The following COL8A2 variants were observed in gnomAD, a reference collection of about 807,000 sequenced individuals.
COL8A2 encodes collagen type VIII alpha 2 chain.
A neutral mutation model predicts 24.0 loss-of-function variants in COL8A2; 16 were observed. The ratio of observed to expected loss-of-function variants is 0.67; its 90% CI spans 0.45 to 1.01. The LOEUF (loss-of-function observed/expected upper bound fraction) is 1.01, where lower values mean the gene tolerates loss of function less well. Among genes scored for constraint, COL8A2 ranks in the 50% least tolerant of loss-of-function variants. The pLI, the probability that COL8A2 is intolerant of heterozygous loss-of-function variation, is 0.00. For synonymous variants in COL8A2, 466 were observed against 424.5 expected (o/e 1.10, Z -1.20); for missense variants, 818 against 942.4 (o/e 0.87, Z 1.73).
intron 2 of COL8A2, among the ~76,000 whole-genome samples, chr1:36,111,553 ATTT>A (rs373086019): frequency 1.5e-3 from 221 of 146,802 alleles, no homozygotes; most frequent in Middle Eastern, 3.5e-3. Flanking sequence ...CCCCTGAGCC[ATTT>A]TTTTTTTTTT....
At chr1:36,110,227 A>C (rs1408912865) in intron 2 of COL8A2, among the ~76,000 whole-genome samples, 1 of 149,112 alleles carries the variant, frequency 6.7e-6, no homozygotes. Context: ...CCACCGCGCC[A>C]GGCCTATTCC....
intron 2 of COL8A2, among the ~76,000 whole-genome samples, chr1:36,111,741 G>T (rs1643843350): frequency 6.6e-6 from 1 of 151,978 alleles, no homozygotes; most frequent in Non-Finnish European, 1.5e-5. Context: ...TAAGAGACAG[G>T]GTCTTGCCAC....
intron 2 of COL8A2, among the ~76,000 whole-genome samples, chr1:36,109,314 T>C (rs1356859193): frequency 6.6e-6 from 1 of 152,206 alleles, no homozygotes; most frequent in Non-Finnish European, 1.5e-5. Flanking sequence ...TCTCTACTCC[T>C]GACTCCTCTC....
At chr1:36,122,531 C>A (rs1353780522) in intron 1 of COL8A2, among the ~76,000 whole-genome samples, 3 of 152,188 alleles carry the variant, frequency 2.0e-5, no homozygotes, top group African/African-American at 7.2e-5. Context: ...TTATCAGACC[C>A]CAGCGCCAAA....
At chr1:36,121,594 G>C (rs1643914836) in intron 1 of COL8A2, among the ~76,000 whole-genome samples, 1 of 150,256 alleles carries the variant, frequency 6.7e-6, no homozygotes, top group Non-Finnish European at 1.5e-5. Context: ...TATAATCCCA[G>C]GTACTTGGGA....
At chr1:36,100,482 T>C (rs541430801) in intron 2 of COL8A2, among the ~76,000 whole-genome samples, 119 of 152,212 alleles carry the variant, frequency 7.8e-4, no homozygotes, top group African/African-American at 2.7e-3. Context: ...TGGCTGTTCA[T>C]CACCCCCACC....
chr1:36,118,511 C>T (rs1455117125), intron 1 of COL8A2, among the ~76,000 whole-genome samples: 2 of 152,196 alleles, frequency 1.3e-5, no homozygotes, highest in Non-Finnish European at 2.9e-5. Context: ...TAAGCCAGGG[C>T]GGTGCCTGAG....
rs543271039 is a variant in COL8A2 at position 36,098,562 on chromosome 1, C to T, written c.1119G>A (p.Gly373=). 2 of 1,605,118 alleles carry T rather than the reference C, an allele frequency of 1.2e-6. No homozygotes were observed. Among genetic ancestry groups the T allele is most frequent in the East Asian group, 2.3e-5 (1 of 44,286 alleles). ...PGSAGLPGRR[G]PPGPKGEAGP... ...CTGCCTCACCCTTAGGCCCAGGGGG[C>T]CCACGTCTGCCAGGAAGCCCTGCAG... The change falls in exon 4 of 4, where the codon GGG becomes GGA. Residue 373 remains glycine, a synonymous_variant. Transcript: ENST00000397799.
intron 2 of COL8A2, among the ~76,000 whole-genome samples, chr1:36,106,342 C>T (rs1285280257): frequency 6.6e-6 from 1 of 152,108 alleles, no homozygotes; most frequent in Non-Finnish European, 1.5e-5. Flanking sequence ...CAGTGAGAGC[C>T]TAAGCCCAGG....
chr1:36,097,181 G>C lies in COL8A2; in HGVS notation c.*388C>G. 4.6e-6 allele frequency: 1 copy of C among 218,068 alleles called. No individual in the cohort carries two copies. Among genetic ancestry groups the C allele is most frequent in the Non-Finnish European group, 9.3e-6 (1 of 107,988 alleles). 13.5% of individuals were successfully genotyped at this position (218,068 alleles called of 1,614,324 possible). A position where few individuals can be genotyped will look rare whatever the true frequency, so the allele number is the denominator to read the frequency against. ...CCAGCCAAGGGCTGTGAGGGAGGCCGTGCCCCTTTCCTCCAGCAGGTGCCA... is the reference window on the plus strand; with the variant it reads ...CCAGCCAAGGGCTGTGAGGGAGGCCCTGCCCCTTTCCTCCAGCAGGTGCCA... On this transcript the variant is annotated 3_prime_UTR_variant, in exon 4 of 4. Transcript: ENST00000397799.
intron 1 of COL8A2, among the ~76,000 whole-genome samples, chr1:36,122,585 G>A (rs1473675948): frequency 1.3e-5 from 2 of 151,780 alleles, no homozygotes; most frequent in Admixed American, 6.6e-5. Flanking sequence ...ACAGGCCACA[G>A]CCATCCAGTG....
chr1:36,104,134 C>T (rs1643721168), intron 2 of COL8A2, among the ~76,000 whole-genome samples: 2 of 151,944 alleles, frequency 1.3e-5, no homozygotes, highest in African/African-American at 4.8e-5. Flanking sequence ...GCGGAGCTCA[C>T]AGTGAGCCGA....
chr1:36,113,575 T>G (rs372827382), intron 2 of COL8A2, among the ~76,000 whole-genome samples: 123 of 152,346 alleles, frequency 8.1e-4, no homozygotes, highest in Middle Eastern at 6.8e-3. Context: ...CTGAGCTCTC[T>G]ATCTACTGTG....
intron 1 of COL8A2, among the ~76,000 whole-genome samples, chr1:36,118,031 C>T (rs149730347): frequency 6.6e-6 from 1 of 152,284 alleles, no homozygotes; most frequent in East Asian, 1.9e-4. Context: ...AAGCTGCTTC[C>T]CCATTCCCTT....
rs551815799 is a variant in COL8A2 at position 36,098,127 on chromosome 1, C to T, written c.1554G>A (p.Thr518=). 105 of 1,489,470 alleles carry T rather than the reference C, an allele frequency of 7.0e-5. No individual in the cohort carries two copies. The Admixed American group carries it at 2.0e-3, about 29-fold the overall frequency. The allele number at this position is 1,489,470 out of a possible 1,614,324, so 92.3% of individuals were successfully genotyped here. ...GGGGCCCGGGAGGCCCCGGAGGGCC[C>T]GTGATTCCAGGGGAGCCAGGGACCC... The part of the protein sequence containing the change: ...PPGVPGSPGI[T]GPPGPPGPPG... Residue 518 remains threonine, a synonymous_variant, in exon 4 of 4, where the codon ACG becomes ACA. Coordinates refer to ENST00000397799, the MANE Select transcript of COL8A2 (RefSeq NM_005202.4).
chr1:36,100,225 T>C lies in COL8A2; in HGVS notation c.18A>G (p.Thr6=), dbSNP rs1185233518. The C allele has an allele frequency of 1.3e-6, 2 of 1,570,732 alleles. No individual in the cohort carries two copies. Among genetic ancestry groups the C allele is most frequent in the Admixed American group, 1.9e-5 (1 of 53,474 alleles). The change falls in exon 3 of 4, where the codon ACA becomes ACG. Residue 6 remains threonine, a synonymous_variant. Transcript: ENST00000397799. MLGTL[T]PLSSLLLLLL... is the part of the protein sequence containing the mutation. Reference sequence around the variant, plus strand: ...GCAGCAGCAGCAGCGAAGACAGGGGTGTCAGAGTCCCCAGCATGGCGTCCG... The same window carrying C: ...GCAGCAGCAGCAGCGAAGACAGGGGCGTCAGAGTCCCCAGCATGGCGTCCG...
intron 2 of COL8A2, among the ~76,000 whole-genome samples, chr1:36,103,089 C>A (rs1481302021): frequency 6.6e-6 from 1 of 151,664 alleles, no homozygotes; most frequent in Non-Finnish European, 1.5e-5. Context: ...CTCAAGTAAT[C>A]CTCCCACCTC....
rs1348425193 is a variant in COL8A2 at position 36,123,804 on chromosome 1, C to T, written c.-62+1253G>A. Among the ~76,000 whole-genome samples the T allele has an allele frequency of 6.6e-6, 1 of 152,138 alleles. No homozygotes were observed. The highest frequency in any genetic ancestry group is 1.5e-5 in the Non-Finnish European group (1 of 68,026). On this transcript the variant is annotated intron_variant, in intron 1 of 3. Transcript: ENST00000397799. This position sits in a 1 kb window ranked among gnomAD's most constrained non-coding sequence, Gnocchi z 4.1. ...GTCTGTGGTTTCTCCTCATTATCAT[C>T]TAGGGTCATTGTGTGTCCAAGGGTT...
chr1:36,097,666 T>C lies in COL8A2; in HGVS notation c.2015A>G (p.Gln672Arg). ...GTCCGACGGCATCTGCACCCAGACC[T>C]GGTCGTTGGGCCGCAGCTGGAGCAC... The part of the protein sequence containing the change: ...GAVLQLRPND[Q>R]VWVQMPSDQA... The change falls in exon 4 of 4, where the codon CAG becomes CGG. Residue 672 changes from glutamine to arginine, a missense_variant. Physicochemically the swap from Gln to Arg is conservative, Grantham distance 43 (BLOSUM62 1). This residue lies in a region of COL8A2 where 235 missense variants were observed against 297.3 expected (regional missense o/e 0.79). Coordinates refer to ENST00000397799, the MANE Select transcript of COL8A2 (RefSeq NM_005202.4). 2 of 1,613,658 alleles carry C rather than the reference T, an allele frequency of 1.2e-6. No homozygotes were observed. The highest frequency in any genetic ancestry group is 2.2e-5 in the South Asian group (2 of 91,088).
Sources: allele counts gnomAD v4.1 joint callset (sites outside exome capture counted in the v4.1 genomes callset), GRCh38; gene constraint gnomAD v4.1.1; regional missense constraint gnomAD v4.1.1; non-coding constraint Gnocchi (gnomAD v3.1); transcripts MANE v1.5; gene names NCBI Gene and HGNC (gene_info 2026-07-23, HGNC 2026-07-21).